FAM241A: variants seen among roughly 807,000 people sequenced by gnomAD.
FAM241A encodes family with sequence similarity 241 member A, also known as uncharacterized protein FAM241A.
FAM241A carries 7 observed loss-of-function variants against 12.2 expected under a neutral mutation model. That is an observed-to-expected ratio of 0.58 (90% CI 0.33 to 1.08). The LOEUF is 1.08. FAM241A is among the 50% of genes least tolerant of loss of function. The pLI is 0.04. For missense variants in FAM241A, 161 were observed against 169.7 expected (o/e 0.95, Z 0.29); for synonymous variants, 74 against 68.2 (o/e 1.08, Z -0.42).
intron 1 of FAM241A, among the ~76,000 whole-genome samples, chr4:112,156,025 A>G (rs1723347043): frequency 6.6e-6 from 1 of 152,222 alleles, no homozygotes; most frequent in Admixed American, 6.5e-5. Flanking sequence ...TAAAAGCCCT[A>G]AACTACCAAG....
At position 112,189,970 on chromosome 4, in the gene FAM241A, AAAAG is replaced by A. The variant is rs1461795082; in HGVS notation, c.*3037_*3040del. On this transcript the variant is annotated 3_prime_UTR_variant, in exon 2 of 2. Transcript: ENST00000309733. ...AAGAACAGAACACATTTTGTGAAAT[AAAAG>A]AAAGCATATGAGGTAAATCCCCATC... is the stretch of plus-strand genomic sequence containing the variant. 1.4e-5 allele frequency: 2 copies of A among 144,918 alleles called. No homozygotes were observed. Among genetic ancestry groups the A allele is most frequent in the Non-Finnish European group, 3.0e-5 (2 of 65,622 alleles). 9.0% of individuals were successfully genotyped at this position (144,918 alleles called of 1,614,324 possible).
chr4:112,174,645 A>G (rs1168406607), intron 1 of FAM241A, among the ~76,000 whole-genome samples: 2 of 152,214 alleles, frequency 1.3e-5, no homozygotes, highest in Non-Finnish European at 2.9e-5. Context: ...GAACCAAGGA[A>G]GGAGCCAAGA....
rs1159828516 is a variant in FAM241A, at chr4:112,176,178, TGTC to T, written c.154-10512_154-10510del. Among the ~76,000 whole-genome samples, 5 of 152,142 alleles carry T rather than the reference TGTC, an allele frequency of 3.3e-5. No homozygotes were observed. In the East Asian group the frequency reaches 9.6e-4, roughly 29 times the overall value. On this transcript the variant is annotated intron_variant, in intron 1 of 1. Transcript: ENST00000309733. Reference sequence around the variant, plus strand: ...CACTTCAATTTCTATATAATTAAATTGTCGTAACACTTGAAAAAATACAACTGA... The same window carrying T: ...CACTTCAATTTCTATATAATTAAATTGTAACACTTGAAAAAATACAACTGA...
Position 112,193,444 on chromosome 4 carries a change from A to T in FAM241A, c.*6506A>T, listed in dbSNP as rs1199532693. On this transcript the variant is annotated 3_prime_UTR_variant, in exon 2 of 2. Coordinates refer to ENST00000309733, the MANE Select transcript of FAM241A (RefSeq NM_152400.3). The stretch of plus-strand genomic sequence containing the variant: ...GCCCATGCCTATGTCCTGAATGGTA[A>T]TGCCTAGGTTTTCTTCTAGGGTTTT... 1 of 152,070 alleles carries T rather than the reference A, an allele frequency of 6.6e-6. No individual in the cohort carries two copies. Among genetic ancestry groups the T allele is most frequent in the Non-Finnish European group, 1.5e-5 (1 of 68,022 alleles). 9.4% of individuals were successfully genotyped at this position (152,070 alleles called of 1,614,324 possible).
chr4:112,167,166 G>T (rs1011682210), intron 1 of FAM241A, among the ~76,000 whole-genome samples: 1 of 151,186 alleles, frequency 6.6e-6, no homozygotes, highest in Non-Finnish European at 1.5e-5. Flanking sequence ...TTTTTTCTTG[G>T]CCAAGGTATG....
In FAM241A at chr4:112,192,356, GTTA is replaced by G. The variant is rs992398700; in HGVS notation, c.*5423_*5425del. On this transcript the variant is annotated 3_prime_UTR_variant, in exon 2 of 2. Transcript: ENST00000309733. Reference sequence around the variant, plus strand: ...TTTAATTTTTTTCTTTTATTTTATTGTTATTATACTTTAAGTTTTAGGGTACAT... The same window carrying G: ...TTTAATTTTTTTCTTTTATTTTATTGTTATACTTTAAGTTTTAGGGTACAT... The G allele has an allele frequency of 2.0e-5, 3 of 150,502 alleles. No individual in the cohort carries two copies. The highest frequency in any genetic ancestry group is 6.6e-5 in the Admixed American group (1 of 15,050). 9.3% of individuals were successfully genotyped at this position (150,502 alleles called of 1,614,324 possible).
At chr4:112,174,909 T>C (rs1723790312) in intron 1 of FAM241A, among the ~76,000 whole-genome samples, 1 of 152,220 alleles carries the variant, frequency 6.6e-6, no homozygotes, top group East Asian at 1.9e-4. Flanking sequence ...GGCTTTAAAG[T>C]GACATCACTG....
chr4:112,159,159 T>C lies in FAM241A; in HGVS notation c.153+13426T>C, dbSNP rs531719525. ...GTAATAGTTGAGCAAAGACCCAAAG[T>C]AAATGAGAATTACCTACTTGGCTGT... On this transcript the variant is annotated intron_variant, in intron 1 of 1. Coordinates refer to ENST00000309733, the MANE Select transcript of FAM241A (RefSeq NM_152400.3). Among the ~76,000 whole-genome samples the C allele has an allele frequency of 9.2e-5, 14 of 152,316 alleles. 1 individual carries two copies. The South Asian group carries it at 2.9e-3, about 32-fold the overall frequency.
At chr4:112,177,139 T>C (rs1267197968) in intron 1 of FAM241A, among the ~76,000 whole-genome samples, 1 of 152,216 alleles carries the variant, frequency 6.6e-6, no homozygotes, top group African/African-American at 2.4e-5. Context: ...CAAATAGCTT[T>C]ACTTAAATTT....
chr4:112,153,668 C>T (rs1441083124), intron 1 of FAM241A, among the ~76,000 whole-genome samples: 1 of 152,154 alleles, frequency 6.6e-6, no homozygotes, highest in East Asian at 1.9e-4. Flanking sequence ...CCGGCACCGC[C>T]CCCAGCCATT....
In FAM241A at chr4:112,192,005, CA is replaced by C. The variant is rs1371302004; in HGVS notation, c.*5073del. 6.6e-6 allele frequency: 1 copy of C among 152,022 alleles called. No individual in the cohort carries two copies. Among genetic ancestry groups the C allele is most frequent in the East Asian group, 1.9e-4 (1 of 5,198 alleles). 9.4% of individuals were successfully genotyped at this position (152,022 alleles called of 1,614,324 possible). On this transcript the variant is annotated 3_prime_UTR_variant, in exon 2 of 2. Coordinates refer to ENST00000309733, the MANE Select transcript of FAM241A (RefSeq NM_152400.3). ...TCATGGTCTTCATATAGACCACTAACAAAAAAGATCTAGAGCTGGTTGTACT... is the reference window on the plus strand; with the variant it reads ...TCATGGTCTTCATATAGACCACTAACAAAAAGATCTAGAGCTGGTTGTACT...
intron 1 of FAM241A, among the ~76,000 whole-genome samples, chr4:112,148,296 G>T (rs1443579530): frequency 6.6e-6 from 1 of 151,830 alleles, no homozygotes; most frequent in Non-Finnish European, 1.5e-5. Flanking sequence ...TCATCAGCTT[G>T]TTATTACAAT....
chr4:112,184,925 G>A (rs980482158), intron 1 of FAM241A, among the ~76,000 whole-genome samples: 17 of 152,142 alleles, frequency 1.1e-4, no homozygotes, highest in Admixed American at 2.6e-4. Context: ...TGATTCAGAT[G>A]TTTGAAGAAT....
At chr4:112,179,914 G>GATATATATGTATAT (rs1723895314) in intron 1 of FAM241A, among the ~76,000 whole-genome samples, 1 of 117,770 alleles carries the variant, frequency 8.5e-6, no homozygotes, top group Admixed American at 8.9e-5. Flanking sequence ...AAGAAAATGT[G>GATATATATGTATAT]ATATATATAT....
chr4:112,167,786 T>C (rs991282860), intron 1 of FAM241A, among the ~76,000 whole-genome samples: 1 of 152,204 alleles, frequency 6.6e-6, no homozygotes, highest in Non-Finnish European at 1.5e-5. Context: ...AAGCATTCAA[T>C]TATTATTTGT....
chr4:112,179,914 G>GACATATATATATATAT (rs1479640205), intron 1 of FAM241A, among the ~76,000 whole-genome samples: 2,989 of 117,416 alleles, frequency 0.025, 145 homozygotes, highest in East Asian at 0.079. Context: ...AAGAAAATGT[G>GACATATATATATATAT]ATATATATAT....
Position 112,167,208 on chromosome 4 carries a change from A to G in FAM241A, c.154-19485A>G, listed in dbSNP as rs190371333. ...AAATTGAATCTTCAGCATATAAACT[A>G]TATAAGTATTAATAAAAATCATTAG... is the stretch of plus-strand genomic sequence containing the variant. On this transcript the variant is annotated intron_variant, in intron 1 of 1. Coordinates refer to ENST00000309733, the MANE Select transcript of FAM241A (RefSeq NM_152400.3). 5.9e-5 allele frequency among the ~76,000 whole-genome samples: 9 copies of G among 152,208 alleles called. No individual in the cohort carries two copies. In the East Asian group the frequency reaches 1.5e-3, roughly 26 times the overall value.
intron 1 of FAM241A, among the ~76,000 whole-genome samples, chr4:112,156,521 T>C (rs894820488): frequency 2.6e-5 from 4 of 152,236 alleles, no homozygotes; most frequent in Non-Finnish European, 5.9e-5. Context: ...GATTACATTA[T>C]ATGGCAAATG....
intron 1 of FAM241A, among the ~76,000 whole-genome samples, chr4:112,167,428 G>T (rs1723621856): frequency 1.3e-5 from 2 of 152,192 alleles, no homozygotes; most frequent in African/African-American, 4.8e-5. Context: ...GCCATTCATC[G>T]AGGCAGAGGA....
Sources: gnomAD v4.1 joint callset for allele counts (sites outside exome capture counted in the v4.1 genomes callset) on GRCh38, gnomAD v4.1.1 for gene constraint, MANE v1.5 for transcripts, NCBI Gene and HGNC (gene_info 2026-07-23, HGNC 2026-07-21) for gene names.